Variants in HPF1 observed in about 807,000 individuals in gnomAD.
The protein encoded by HPF1 is UPF0609 protein C4orf27.
HPF1 carries 35 observed loss-of-function variants against 38.8 expected under a neutral mutation model. The observed-to-expected ratio is 0.90, with a 90% CI of 0.69 to 1.19. The LOEUF is 1.19. Among genes scored for constraint, HPF1 ranks in the 50% most tolerant of loss-of-function variants. The pLI is 0.00. For synonymous variants in HPF1, 115 were observed against 139.2 expected, an observed-to-expected ratio of 0.83 and a Z score of 1.22; for missense variants, 367 against 405.8, an observed-to-expected ratio of 0.90 and a Z score of 0.82.
At chr4:169,752,413 A>G (rs1734131557) in intron 2 of HPF1, among the ~76,000 whole-genome samples, 2 of 152,174 alleles carry the variant, frequency 1.3e-5, no homozygotes, top group Non-Finnish European at 2.9e-5. Flanking sequence ...ATGTATCAAT[A>G]CACATTTCCA....
intron 4 of HPF1, among the ~76,000 whole-genome samples, chr4:169,747,879 T>A (rs1249182993): frequency 6.6e-6 from 1 of 152,200 alleles, no homozygotes; most frequent in African/African-American, 2.4e-5. Flanking sequence ...TCCCAGCACC[T>A]GGTTCTTAGC....
At chr4:169,733,573 TA>T (rs1238708904) in intron 6 of HPF1, among the ~76,000 whole-genome samples, 1 of 152,132 alleles carries the variant, frequency 6.6e-6, no homozygotes, top group Non-Finnish European at 1.5e-5. Flanking sequence ...CTGATGAGAC[TA>T]ACGAAAAATA....
At chr4:169,748,450 A>G (rs1734076057) in intron 4 of HPF1, among the ~76,000 whole-genome samples, 2 of 151,816 alleles carry the variant, frequency 1.3e-5, no homozygotes, top group Non-Finnish European at 2.9e-5. Flanking sequence ...GGCTCACTGC[A>G]ACCTCCGCCT....
intron 5 of HPF1, among the ~76,000 whole-genome samples, chr4:169,740,183 G>A (rs1733952141): frequency 6.6e-6 from 1 of 152,136 alleles, no homozygotes; most frequent in South Asian, 2.1e-4. Context: ...AGGTGAAGTG[G>A]CAGAGAGCCA....
intron 5 of HPF1, among the ~76,000 whole-genome samples, chr4:169,741,367 C>T (rs184548743): frequency 1.3e-5 from 2 of 152,128 alleles, no homozygotes; most frequent in Admixed American, 1.3e-4. Flanking sequence ...CCCCAGAGGC[C>T]ATAAGAACAA....
chr4:169,735,142 A>G lies in HPF1; in HGVS notation c.736+2518T>C, dbSNP rs182209707. 7.6e-3 allele frequency among the ~76,000 whole-genome samples: 1,142 copies of G among 150,668 alleles called. 3 individuals carry two copies. The highest frequency in any genetic ancestry group is 0.011 in the Non-Finnish European group (751 of 67,796). ...AATTCCATCTCAAAAAAAAAAAAAA[A>G]GAAGAAAGAAAGAAAAAAAGAAAAC... On this transcript the variant is annotated intron_variant, in intron 6 of 7. Transcript: ENST00000393381.
chr4:169,737,886 G>A (rs1268920428), intron 5 of HPF1, 139 bp from the exon 6 acceptor site: 36 of 619,528 alleles, frequency 5.8e-5, no homozygotes, highest in South Asian at 1.6e-4. Flanking sequence ...TGGACTCCAG[G>A]GTAAAAATTT....
intron 6 of HPF1, among the ~76,000 whole-genome samples, chr4:169,735,643 AG>A (rs1733882137): frequency 6.6e-6 from 1 of 152,228 alleles, no homozygotes; most frequent in Non-Finnish European, 1.5e-5. Context: ...AAAGCTTTAG[AG>A]ACTGCCCATC....
In HPF1 at chr4:169,753,820, C is replaced by T. The variant is rs765180569; in HGVS notation, c.64G>A (p.Asp22Asn). Reference sequence around the variant, plus strand: ...TCACAGAATTTACTTTTCTTCACATCAGTTGTTTTTTCACACTGAAAATTG... The same window carrying T: ...TCACAGAATTTACTTTTCTTCACATTAGTTGTTTTTTCACACTGAAAATTG... ...GEGPQCEKTTDVKKSKFCEAD... is the reference protein window; with the variant it reads ...GEGPQCEKTTNVKKSKFCEAD... Residue 22 changes from aspartate (D) to asparagine (N), a missense_variant, in exon 2 of 8, where the codon GAT (aspartate) becomes AAT (asparagine). Transcript: ENST00000393381. The T allele has an allele frequency of 1.2e-6, 2 of 1,603,544 alleles. No individual in the cohort carries two copies. The highest frequency in any genetic ancestry group is 1.7e-6 in the Non-Finnish European group (2 of 1,177,378).
intron 4 of HPF1, among the ~76,000 whole-genome samples, chr4:169,743,931 T>C (rs544241029): frequency 6.6e-6 from 1 of 151,134 alleles, no homozygotes; most frequent in South Asian, 2.1e-4. Context: ...AGAGAGCTAA[T>C]AGATTAAACC....
At chr4:169,736,975 C>A (rs1432669140) in intron 6 of HPF1, among the ~76,000 whole-genome samples, 1 of 152,124 alleles carries the variant, frequency 6.6e-6, no homozygotes, top group East Asian at 1.9e-4. Flanking sequence ...AAAGCTAAAT[C>A]ATTTTATAGG....
In HPF1 at chr4:169,753,853, A is replaced by C; in HGVS notation, c.49-18T>G. 1 of 1,599,408 alleles carries C rather than the reference A, an allele frequency of 6.3e-7. No homozygotes were observed. Among genetic ancestry groups the C allele is most frequent in the Non-Finnish European group, 8.5e-7 (1 of 1,173,996 alleles). ...TTTTCACACTGAAAATTGGCACACA[A>C]ACTTTAGTTCTCCAAATTTCAGTAA... On this transcript the variant is annotated intron_variant, in intron 1 of 7. Coordinates refer to ENST00000393381, the MANE Select transcript of HPF1 (RefSeq NM_017867.3).
chr4:169,739,662 C>T (rs1733940913), intron 5 of HPF1, among the ~76,000 whole-genome samples: 1 of 152,056 alleles, frequency 6.6e-6, no homozygotes, highest in Non-Finnish European at 1.5e-5. Flanking sequence ...AAAAAATAAC[C>T]AGATAAGTAT....
intron 4 of HPF1, among the ~76,000 whole-genome samples, chr4:169,746,878 T>C (rs1431117538): frequency 1.4e-5 from 2 of 146,402 alleles, no homozygotes; most frequent in African/African-American, 5.4e-5. Context: ...ATATCACCCA[T>C]GCATTTTTTT....
chr4:169,730,100 C>T (rs1172076312), intron 7 of HPF1, among the ~76,000 whole-genome samples: 3 of 152,148 alleles, frequency 2.0e-5, no homozygotes, highest in East Asian at 1.9e-4. Context: ...GTTTTCAGAT[C>T]GTATTGCCTT....
Position 169,753,833 on chromosome 4 carries a change from A to C in HPF1, c.51T>G (p.Cys17Trp). Residue 17 changes from cysteine (C) to tryptophan (W), a missense_variant and splice_region_variant, in exon 2 of 8, where the codon TGT becomes TGG. Transcript: ENST00000393381. Reference sequence around the variant, plus strand: ...TTTTCTTCACATCAGTTGTTTTTTCACACTGAAAATTGGCACACAAACTTT... The same window carrying C: ...TTTTCTTCACATCAGTTGTTTTTTCCCACTGAAAATTGGCACACAAACTTT... ...KRRPGGEGPQ[C>W]EKTTDVKKSK... The C allele has an allele frequency of 6.2e-7, 1 of 1,603,006 alleles. No individual in the cohort carries two copies. The highest frequency in any genetic ancestry group is 8.5e-7 in the Non-Finnish European group (1 of 1,176,682).
At chr4:169,738,203 C>G (rs1326331451) in intron 5 of HPF1, among the ~76,000 whole-genome samples, 2 of 152,182 alleles carry the variant, frequency 1.3e-5, no homozygotes, top group African/African-American at 4.8e-5. Context: ...AATTGAGACT[C>G]CCCTATTTTT....
At chr4:169,735,662 C>A (rs1007539779) in intron 6 of HPF1, among the ~76,000 whole-genome samples, 9 of 152,164 alleles carry the variant, frequency 5.9e-5, no homozygotes, top group Non-Finnish European at 1.3e-4. Flanking sequence ...ATCTCTACAA[C>A]AAATGTGCGC....
At chr4:169,745,042 C>A (rs7664002) in intron 4 of HPF1, among the ~76,000 whole-genome samples, 4 of 152,004 alleles carry the variant, frequency 2.6e-5, no homozygotes, top group African/African-American at 4.8e-5. Flanking sequence ...ACCATGGCTG[C>A]GGGATGACCC....
Sources: gnomAD v4.1 joint callset for allele counts (sites outside exome capture counted in the v4.1 genomes callset) on GRCh38, gnomAD v4.1.1 for gene constraint, MANE v1.5 for transcripts, NCBI Gene and HGNC (gene_info 2026-07-23, HGNC 2026-07-21) for gene names.